Variants in CYP2J2 observed in about 807,000 individuals in gnomAD.
CYP2J2 encodes the protein cytochrome P450 family 2 subfamily J member 2.
CYP2J2 carries 41 observed loss-of-function variants against 48.8 expected under a neutral mutation model. The ratio of observed to expected loss-of-function variants is 0.84; its 90% confidence interval spans 0.66 to 1.09. CYP2J2 has a LOEUF of 1.09. Among genes scored for constraint, CYP2J2 ranks in the 50% least tolerant of loss-of-function variants. The pLI is 0.00. For synonymous variants in CYP2J2, 221 were observed against 227.1 expected, an observed-to-expected ratio of 0.97 and a Z score of 0.24; for missense variants, 644 against 617.3, an observed-to-expected ratio of 1.04 and a Z score of -0.46.
At chr1:59,935,011 T>TAC in the CYP2J2 span, among the ~76,000 whole-genome samples, 55 of 39,762 alleles carry the variant, frequency 1.4e-3, no homozygotes, top group African/African-American at 5.2e-3. Flanking sequence ...TATATATATA[T>TAC]ATACATATAT....
At chr1:59,959,148 G>A in the CYP2J2 span, among the ~76,000 whole-genome samples, 8 of 152,042 alleles carry the variant, frequency 5.3e-5, no homozygotes, top group African/African-American at 1.2e-4. Context: ...ATTTCTCCCT[G>A]TATGTTGGAT....
chr1:59,948,085 T>C, the CYP2J2 span, among the ~76,000 whole-genome samples: 2 of 152,186 alleles, frequency 1.3e-5, no homozygotes, highest in African/African-American at 4.8e-5. Flanking sequence ...AATCTTCATT[T>C]TTCTAGTGAA....
chr1:59,916,132 A>G, intron 1 of CYP2J2, 32 bp from the exon 2 acceptor site: 1 of 1,582,216 alleles, frequency 6.3e-7, no homozygotes, highest in Non-Finnish European at 8.6e-7. Context: ...ACAGTTGAAT[A>G]TGCACATGTC....
At chr1:59,967,968 A>T in the CYP2J2 span, among the ~76,000 whole-genome samples, 1 of 152,140 alleles carries the variant, frequency 6.6e-6, no homozygotes. Flanking sequence ...ACATTTTTCC[A>T]GTAAGTCCCC....
intron 4 of CYP2J2, among the ~76,000 whole-genome samples, chr1:59,910,442 G>A (rs7545849): frequency 0.074 from 11,160 of 151,762 alleles, 564 homozygotes; most frequent in South Asian, 0.2. Flanking sequence ...ATGGCCATGT[G>A]TTGATAATTG....
At chr1:59,930,814 C>T (rs1352365209), upstream of CYP2J2, among the ~76,000 whole-genome samples, 5 of 151,808 alleles carry the variant, frequency 3.3e-5, no homozygotes, top group East Asian at 1.9e-4. Context: ...CAGACTTTAA[C>T]AAATACTTAA....
At chr1:59,949,995 C>T in the CYP2J2 span, among the ~76,000 whole-genome samples, 1 of 152,030 alleles carries the variant, frequency 6.6e-6, no homozygotes, top group Non-Finnish European at 1.5e-5. Context: ...CTGGTGAAAA[C>T]TTTTGGGAAT....
chr1:59,935,051 T>TATATATATATATAC, the CYP2J2 span, among the ~76,000 whole-genome samples: 1 of 107,786 alleles, frequency 9.3e-6, no homozygotes, highest in Non-Finnish European at 1.9e-5. Context: ...TATATATATA[T>TATATATATATATAC]ACACAACAGA....
At chr1:59,951,715 G>A in the CYP2J2 span, among the ~76,000 whole-genome samples, 4 of 152,110 alleles carry the variant, frequency 2.6e-5, no homozygotes, top group African/African-American at 9.7e-5. Context: ...AGTAAGCTCT[G>A]AGGGTCTTAA....
At chr1:59,925,425 T>A (rs1462897460) in intron 1 of CYP2J2, among the ~76,000 whole-genome samples, 1 of 152,198 alleles carries the variant, frequency 6.6e-6, no homozygotes, top group African/African-American at 2.4e-5. Context: ...CTATATCTTG[T>A]GTCATTTAAT....
rs139865446 is a variant in CYP2J2 at position 59,893,791 on chromosome 1, C to T, written c.1369G>A (p.Glu457Lys). ...ACLGEQLART[E>K]LFIFFTSLMQ... ...AGGGAAGTGAAGAAAATAAACAGCT[C>T]AGTCCTGGCCAACTGTTCTCCGAGG... is the stretch of plus-strand genomic sequence containing the variant. Residue 457 changes from glutamate (E) to lysine (K), a missense_variant, in exon 9 of 9, where the codon GAG (glutamate) becomes AAG (lysine). By Grantham distance (56) the Glu-to-Lys change is moderately conservative. Coordinates refer to ENST00000371204, the MANE Select transcript of CYP2J2 (RefSeq NM_000775.4). 5.6e-6 allele frequency: 9 copies of T among 1,611,384 alleles called. No homozygotes were observed. In the African/African-American group the frequency reaches 1.1e-4, roughly 19 times the overall value.
the CYP2J2 span, among the ~76,000 whole-genome samples, chr1:59,953,557 T>C: frequency 6.6e-6 from 1 of 152,142 alleles, no homozygotes; most frequent in East Asian, 1.9e-4. Flanking sequence ...GTGATTACAC[T>C]TTTCCTGCAT....
the CYP2J2 span, among the ~76,000 whole-genome samples, chr1:59,954,150 C>T: frequency 6.6e-6 from 1 of 152,170 alleles, no homozygotes; most frequent in African/African-American, 2.4e-5. Context: ...TCCACTCCTC[C>T]ATCAGCCTGG....
chr1:59,935,029 T>C, the CYP2J2 span, among the ~76,000 whole-genome samples: 51 of 100,900 alleles, frequency 5.1e-4, no homozygotes, highest in East Asian at 1.3e-3. Context: ...TATATATATA[T>C]ATATATATAT....
the CYP2J2 span, among the ~76,000 whole-genome samples, chr1:59,962,174 A>G: frequency 6.6e-6 from 1 of 152,222 alleles, no homozygotes; most frequent in Non-Finnish European, 1.5e-5. Flanking sequence ...GAATGGAAAC[A>G]TTTTAGAAAT....
the CYP2J2 span, among the ~76,000 whole-genome samples, chr1:59,952,306 G>C: frequency 1.8e-4 from 26 of 142,738 alleles, no homozygotes; most frequent in South Asian, 5.3e-3. Context: ...CTATGCGTAT[G>C]CTTTTTTTTT....
At chr1:59,911,042 T>C (rs1171270405) in intron 4 of CYP2J2, among the ~76,000 whole-genome samples, 1 of 152,222 alleles carries the variant, frequency 6.6e-6, no homozygotes, top group Non-Finnish European at 1.5e-5. Context: ...TATGAGTGGA[T>C]GTAACCACAA....
chr1:59,896,518 T>C (rs1644271003), intron 8 of CYP2J2, among the ~76,000 whole-genome samples: 1 of 152,126 alleles, frequency 6.6e-6, no homozygotes, highest in African/African-American at 2.4e-5. Context: ...TATTTACTTA[T>C]TGGATCAGTA....
the CYP2J2 span, among the ~76,000 whole-genome samples, chr1:59,958,854 CTG>C: frequency 6.6e-6 from 1 of 152,132 alleles, no homozygotes; most frequent in Admixed American, 6.5e-5. Flanking sequence ...CTCCAAAAAT[CTG>C]TTTTTAGTAT....
Sources: gnomAD v4.1 joint callset for allele counts (sites outside exome capture counted in the v4.1 genomes callset) on GRCh38, gnomAD v4.1.1 for gene constraint, MANE v1.5 for transcripts, NCBI Gene and HGNC (gene_info 2026-07-23, HGNC 2026-07-21) for gene names.